OPRM1: variants seen among roughly 807,000 people sequenced by gnomAD.
OPRM1 encodes the protein opioid receptor mu 1.
In OPRM1, 27 loss-of-function variants were observed where a neutral mutation model predicts 31.8. The observed-to-expected ratio is 0.85, with a 90% CI of 0.63 to 1.17. The LOEUF (loss-of-function observed/expected upper bound fraction) is 1.17, where lower values mean the gene tolerates loss of function less well. Ranked by LOEUF, OPRM1 falls within the 50% of genes most tolerant of loss-of-function variation. The pLI is 0.00. For missense variants in OPRM1, 536 were observed against 511.1 expected (o/e 1.05, Z -0.47); for synonymous variants, 196 against 189.9 (o/e 1.03, Z -0.26).
At chr6:154,099,470 AAAAG>A (rs997468541) in intron 3 of OPRM1, among the ~76,000 whole-genome samples, 46 of 134,732 alleles carry the variant, frequency 3.4e-4, no homozygotes, top group Non-Finnish European at 6.3e-4. Context: ...GAAAGAAAGA[AAAAG>A]AAAGAAAGAA....
At chr6:154,152,864 G>A (rs759615119) in intron 3 of OPRM1, among the ~76,000 whole-genome samples, 3 of 151,480 alleles carry the variant, frequency 2.0e-5, no homozygotes, top group Non-Finnish European at 4.4e-5. Flanking sequence ...CACGTAGCTG[G>A]GACCTGGGAC....
intron 3 of OPRM1, among the ~76,000 whole-genome samples, chr6:154,100,077 CATATTATATATTATCATATTATGATATAT>C (rs1562471919): frequency 4.3e-5 from 5 of 117,190 alleles, no homozygotes; most frequent in African/African-American, 1.6e-4. Context: ...TGATATATAT[CATATTATATATTATCATATTATGATATAT>C]ATATTATATA....
intron 3 of OPRM1, among the ~76,000 whole-genome samples, chr6:154,100,121 CATATTATGACAT>C (rs774170168): frequency 0.41 from 31,849 of 77,980 alleles, 9,534 homozygotes; most frequent in East Asian, 0.72. Context: ...TATATATTAT[CATATTATGACAT>C]ATAATATATA....
intron 3 of OPRM1, chr6:154,107,697 G>A: frequency 1.4e-6 from 1 of 718,530 alleles, no homozygotes; most frequent in Admixed American, 2.0e-5. Flanking sequence ...TGGTTAAAAG[G>A]TCAAGCTCCC....
chr6:154,027,333 C>T (rs572660385), intron 1 of OPRM1, among the ~76,000 whole-genome samples: 21 of 151,770 alleles, frequency 1.4e-4, no homozygotes, highest in African/African-American at 4.8e-4. Flanking sequence ...ACAAATGGAG[C>T]CTCTCTCTCT....
intron 3 of OPRM1, among the ~76,000 whole-genome samples, chr6:154,186,040 C>T (rs1194175563): frequency 6.6e-6 from 1 of 152,326 alleles, no homozygotes; most frequent in Non-Finnish European, 1.5e-5. Flanking sequence ...AGAGCTCAGC[C>T]CTGACCTCTT....
In OPRM1 at chr6:154,176,448, T is replaced by C. The variant is rs56063182; in HGVS notation, c.1165-70245T>C. Reference sequence around the variant, plus strand: ...CCCATCATCTCAGCCCAAAATCTCCTTAAGCTGATAAGCAACTTCAGCAAA... The same window carrying C: ...CCCATCATCTCAGCCCAAAATCTCCCTAAGCTGATAAGCAACTTCAGCAAA... On this transcript the variant is annotated intron_variant, in intron 3 of 3. Transcript: ENST00000337049. Among the ~76,000 whole-genome samples the C allele has an allele frequency of 1.4e-4, 21 of 152,336 alleles. 1 individual carries two copies. The highest frequency in any genetic ancestry group is 3.3e-4 in the Admixed American group (5 of 15,306).
chr6:154,206,294 G>A (rs1216290458), intron 3 of OPRM1, among the ~76,000 whole-genome samples: 6 of 152,186 alleles, frequency 3.9e-5, no homozygotes, highest in Non-Finnish European at 5.9e-5. Flanking sequence ...AGAGTCAAAT[G>A]AAATCATTCT....
chr6:154,143,995 G>A (rs1356536697), intron 3 of OPRM1, among the ~76,000 whole-genome samples: 1 of 152,108 alleles, frequency 6.6e-6, no homozygotes, highest in African/African-American at 2.4e-5. Flanking sequence ...AGGGTTTTCA[G>A]TACAGACCTG....
chr6:154,237,174 G>A (rs1416976408), intron 3 of OPRM1, among the ~76,000 whole-genome samples: 1 of 152,180 alleles, frequency 6.6e-6, no homozygotes, highest in African/African-American at 2.4e-5. Flanking sequence ...AGACTTCTCA[G>A]GAAAATCCTC....
chr6:154,199,547 T>C, intron 3 of OPRM1: 1 of 1,197,128 alleles, frequency 8.4e-7, no homozygotes, highest in Non-Finnish European at 1.1e-6. Flanking sequence ...ATAGCCCCAC[T>C]TGACTAATTA....
chr6:154,166,645 C>T (rs1799458090), intron 3 of OPRM1, among the ~76,000 whole-genome samples: 1 of 152,100 alleles, frequency 6.6e-6, no homozygotes, highest in African/African-American at 2.4e-5. Flanking sequence ...ATTTGTTTTC[C>T]TCTGTTTCTA....
rs533367046 is a variant in OPRM1, at chr6:154,015,724, G to GA, written c.-1+4714dup. 2.0e-3 allele frequency among the ~76,000 whole-genome samples: 305 copies of GA among 150,400 alleles called. 1 individual carries two copies. Among genetic ancestry groups the GA allele is most frequent in the Middle Eastern group, 0.014 (4 of 294 alleles). On this transcript the variant is annotated intron_variant, in intron 1 of 5. Coordinates refer to the OPRM1 transcript ENST00000434900. ...AGCAAATAAAGACAAATGACAAACT[G>GA]AAAAAAAATAGCTAAGTGCTATATC...
intron 3 of OPRM1, among the ~76,000 whole-genome samples, chr6:154,165,111 T>C (rs1799322569): frequency 6.6e-6 from 1 of 152,220 alleles, no homozygotes; most frequent in South Asian, 2.1e-4. Context: ...TTTTAAAACA[T>C]AAACATTTCC....
intron 3 of OPRM1, among the ~76,000 whole-genome samples, chr6:154,097,627 T>C (rs1409275431): frequency 6.6e-6 from 1 of 151,896 alleles, no homozygotes; most frequent in Non-Finnish European, 1.5e-5. Flanking sequence ...TATAGGCATG[T>C]CTCTTTTTGC....
At chr6:154,060,654 T>A (rs1323192750) in intron 1 of OPRM1, among the ~76,000 whole-genome samples, 1 of 152,142 alleles carries the variant, frequency 6.6e-6, no homozygotes, top group Non-Finnish European at 1.5e-5. Context: ...AATTCTTAGT[T>A]GTATGAGTTT....
At chr6:154,018,358 T>A (rs907619992) in intron 1 of OPRM1, among the ~76,000 whole-genome samples, 5 of 152,140 alleles carry the variant, frequency 3.3e-5, no homozygotes, top group African/African-American at 1.2e-4. Flanking sequence ...AGGCAGAGGT[T>A]GCAGTGAGCT....
intron 3 of OPRM1, among the ~76,000 whole-genome samples, chr6:154,233,851 C>T (rs1779910411): frequency 6.6e-6 from 1 of 152,142 alleles, no homozygotes; most frequent in Non-Finnish European, 1.5e-5. Flanking sequence ...GTGCAGAGGT[C>T]CTCGGAGATC....
intron 1 of OPRM1, among the ~76,000 whole-genome samples, chr6:154,028,214 G>A (rs1256429425): frequency 6.6e-6 from 1 of 152,184 alleles, no homozygotes; most frequent in Non-Finnish European, 1.5e-5. Context: ...TTCCAGGACT[G>A]GGTTCTTCCC....
Sources: gnomAD v4.1 joint callset for allele counts (sites outside exome capture counted in the v4.1 genomes callset) on GRCh38, gnomAD v4.1.1 for gene constraint, MANE v1.5 for transcripts, NCBI Gene and HGNC (gene_info 2026-07-23, HGNC 2026-07-21) for gene names.